Variants in GPHN observed in about 807,000 individuals in gnomAD.
The protein encoded by GPHN is gephyrin.
In GPHN, 17 loss-of-function variants were observed where a neutral mutation model predicts 95.5. The ratio of observed to expected loss-of-function variants is 0.18; its 90% CI spans 0.12 to 0.27. The LOEUF (loss-of-function observed/expected upper bound fraction) is 0.27, where lower values mean the gene tolerates loss of function less well. Ranked by LOEUF, GPHN falls within the 10% of genes least tolerant of loss-of-function variation. The pLI is 1.00. For synonymous variants in GPHN, 320 were observed against 322.5 expected (o/e 0.99, Z 0.08); for missense variants, 660 against 978.1 (o/e 0.67, Z 4.34).
At chr14:67,583,789 A>G in the GPHN span, 1 of 1,612,696 alleles carries the variant, frequency 6.2e-7, no homozygotes, top group Non-Finnish European at 8.5e-7. Flanking sequence ...CCCTGGAGGC[A>G]CATCCCCTGC....
intron 2 of GPHN, among the ~76,000 whole-genome samples, chr14:66,764,169 G>A (rs1328520688): frequency 6.6e-6 from 1 of 152,074 alleles, no homozygotes; most frequent in African/African-American, 2.4e-5. Flanking sequence ...CCCAATCCTT[G>A]GAAAAATTGT....
the GPHN span, among the ~76,000 whole-genome samples, chr14:67,422,364 C>T: frequency 1.3e-5 from 2 of 152,164 alleles, no homozygotes; most frequent in Non-Finnish European, 2.9e-5. Context: ...CTGGTGTCTT[C>T]CCCCGTGTGG....
the GPHN span, among the ~76,000 whole-genome samples, chr14:67,643,903 G>A: frequency 7.1e-6 from 1 of 140,878 alleles, no homozygotes; most frequent in Non-Finnish European, 1.5e-5. Flanking sequence ...GAAGAAAACG[G>A]TCACACCCAG....
chr14:67,200,098 C>T, the GPHN span: 1 of 1,023,648 alleles, frequency 9.8e-7, no homozygotes, highest in South Asian at 1.5e-5. Context: ...TCCTGGACCT[C>T]CTCCAATGGG....
At chr14:66,628,912 A>T (rs948459811) in intron 1 of GPHN, among the ~76,000 whole-genome samples, 2 of 150,624 alleles carry the variant, frequency 1.3e-5, no homozygotes, top group Non-Finnish European at 3.0e-5. Context: ...AATAATTTAA[A>T]AAATGAGCCA....
At chr14:67,483,324 A>G in the GPHN span, among the ~76,000 whole-genome samples, 4 of 152,232 alleles carry the variant, frequency 2.6e-5, no homozygotes, top group African/African-American at 9.6e-5. Context: ...CCTACATTCT[A>G]ATAACTATAA....
chr14:67,274,638 G>GT, the GPHN span, among the ~76,000 whole-genome samples: 2 of 152,192 alleles, frequency 1.3e-5, no homozygotes, highest in Admixed American at 1.3e-4. Context: ...CTTTAAAGTA[G>GT]TTTTTTCCAA....
At chr14:67,572,317 T>A in the GPHN span, 1 of 1,521,300 alleles carries the variant, frequency 6.6e-7, no homozygotes, top group African/African-American at 1.4e-5. Context: ...GGAAGCAGAA[T>A]GCAGCAGAGG....
intron 9 of GPHN, among the ~76,000 whole-genome samples, chr14:66,973,137 T>C (rs1212023998): frequency 3.9e-5 from 6 of 152,174 alleles, no homozygotes; most frequent in Non-Finnish European, 8.8e-5. Flanking sequence ...TATTGAATCC[T>C]TTATATATAT....
the GPHN span, chr14:67,278,933 G>C: frequency 6.8e-5 from 24 of 354,328 alleles, no homozygotes; most frequent in Non-Finnish European, 1.0e-4. Context: ...TTTCTACGTT[G>C]TATGGTGATT....
the GPHN span, among the ~76,000 whole-genome samples, chr14:67,193,330 C>CTATATAGATATAGA: frequency 7.4e-6 from 1 of 135,254 alleles, no homozygotes; most frequent in South Asian, 2.4e-4. Context: ...CTATATATCT[C>CTATATAGATATAGA]TATATAGATA....
the GPHN span, among the ~76,000 whole-genome samples, chr14:67,583,579 T>C: frequency 1.3e-5 from 2 of 152,244 alleles, no homozygotes; most frequent in East Asian, 3.8e-4. Flanking sequence ...CTCTAGTGTC[T>C]ATAAAACTTG....
chr14:67,520,280 T>C, the GPHN span, among the ~76,000 whole-genome samples: 1 of 152,230 alleles, frequency 6.6e-6, no homozygotes. Flanking sequence ...GTATCCACCA[T>C]TTAGTATCAT....
chr14:67,334,979 C>T, the GPHN span: 9 of 152,192 alleles, frequency 5.9e-5, no homozygotes, highest in African/African-American at 2.2e-4. Context: ...TAGGTAGTGT[C>T]AGTGAGTGGC....
At chr14:66,961,612 C>T (rs1471794855) in intron 8 of GPHN, among the ~76,000 whole-genome samples, 2 of 150,990 alleles carry the variant, frequency 1.3e-5, no homozygotes, top group Non-Finnish European at 3.0e-5. Context: ...AGGATTTGAA[C>T]GGGGACTTCA....
chr14:67,506,485 A>G, the GPHN span, among the ~76,000 whole-genome samples: 10 of 152,186 alleles, frequency 6.6e-5, no homozygotes, highest in Admixed American at 2.6e-4. Flanking sequence ...CCTTGTACCA[A>G]ATGAAATCAT....
At chr14:66,539,411 T>TTTC (rs1442159064) in intron 1 of GPHN, among the ~76,000 whole-genome samples, 4 of 136,584 alleles carry the variant, frequency 2.9e-5, no homozygotes, top group African/African-American at 1.1e-4. Context: ...TCTACTTTCT[T>TTTC]TTTTTTTTTT....
the GPHN span, among the ~76,000 whole-genome samples, chr14:67,370,212 A>G: frequency 1.3e-5 from 2 of 152,206 alleles, no homozygotes; most frequent in African/African-American, 4.8e-5. Context: ...CTGTAAACCC[A>G]CAACCTTCCA....
chr14:67,660,341 T>G, the GPHN span: 1 of 156,020 alleles, frequency 6.4e-6, no homozygotes, highest in African/African-American at 2.4e-5. Context: ...TCCTGGCACT[T>G]TGGGAAGCCG....
Sources: gnomAD v4.1 joint callset for allele counts (sites outside exome capture counted in the v4.1 genomes callset) on GRCh38, gnomAD v4.1.1 for gene constraint, MANE v1.5 for transcripts, NCBI Gene and HGNC (gene_info 2026-07-23, HGNC 2026-07-21) for gene names.